The following HS3ST5 variants were observed in gnomAD, a reference collection of about 807,000 sequenced individuals.
HS3ST5 encodes the protein heparan sulfate-glucosamine 3-sulfotransferase 5.
In HS3ST5, 10 loss-of-function variants were observed where a neutral mutation model predicts 25.4. That is an observed-to-expected ratio of 0.39 (90% CI 0.24 to 0.67). The LOEUF (loss-of-function observed/expected upper bound fraction) is 0.67. Ranked by LOEUF, HS3ST5 falls within the 30% of genes least tolerant of loss-of-function variation. The probability of loss-of-function intolerance (pLI) is 0.44; values close to 1 mark genes in which losing one functional copy is unlikely to be tolerated. For synonymous variants in HS3ST5, 170 were observed against 162.4 expected, an observed-to-expected ratio of 1.05 and a Z score of -0.36; for missense variants, 324 against 420.7, an observed-to-expected ratio of 0.77 and a Z score of 2.01.
chr6:114,166,528 A>G (rs1460880730), intron 3 of HS3ST5, among the ~76,000 whole-genome samples: 1 of 152,170 alleles, frequency 6.6e-6, no homozygotes, highest in Non-Finnish European at 1.5e-5. Flanking sequence ...TGTATAGCTT[A>G]CTTTTAAATG....
At chr6:114,144,880 C>G (rs1382228122) in intron 3 of HS3ST5, among the ~76,000 whole-genome samples, 1 of 152,194 alleles carries the variant, frequency 6.6e-6, no homozygotes, top group Non-Finnish European at 1.5e-5. Flanking sequence ...AACAGCTATT[C>G]AGTAAACGTT....
chr6:114,323,039 A>G (rs1012196651), intron 1 of HS3ST5, among the ~76,000 whole-genome samples: 1 of 152,164 alleles, frequency 6.6e-6, no homozygotes, highest in African/African-American at 2.4e-5. Flanking sequence ...CTTAAAGTGC[A>G]GACTTGGAGT....
At chr6:114,187,216 C>T (rs1780262149) in intron 2 of HS3ST5, among the ~76,000 whole-genome samples, 1 of 152,168 alleles carries the variant, frequency 6.6e-6, no homozygotes. Context: ...CTAAGAAATA[C>T]ATTTCATAAG....
chr6:114,173,152 T>C (rs535057597), intron 2 of HS3ST5, among the ~76,000 whole-genome samples: 2 of 152,226 alleles, frequency 1.3e-5, no homozygotes, highest in African/African-American at 2.4e-5. Flanking sequence ...TATTAGTACA[T>C]GTCTGCCCAC....
intron 3 of HS3ST5, among the ~76,000 whole-genome samples, chr6:114,064,554 T>G (rs916876678): frequency 6.6e-6 from 1 of 152,142 alleles, no homozygotes; most frequent in Admixed American, 6.5e-5. Flanking sequence ...GAGGGAGAGA[T>G]AAGACCAGCA....
At chr6:114,192,822 A>AAT (rs1347665428) in intron 2 of HS3ST5, among the ~76,000 whole-genome samples, 1 of 152,186 alleles carries the variant, frequency 6.6e-6, no homozygotes, top group African/African-American at 2.4e-5. Context: ...CGTCAGTCAA[A>AAT]ATATATATAG....
chr6:114,309,809 G>A (rs2114839788), intron 1 of HS3ST5, among the ~76,000 whole-genome samples: 1 of 152,272 alleles, frequency 6.6e-6, no homozygotes, highest in Non-Finnish European at 1.5e-5. Context: ...ATAAAACACT[G>A]AAAAATATAG....
intron 1 of HS3ST5, among the ~76,000 whole-genome samples, chr6:114,281,245 A>G (rs1183380139): frequency 6.6e-6 from 1 of 152,036 alleles, no homozygotes; most frequent in Admixed American, 6.6e-5. Context: ...ACATGTAACA[A>G]GAATCTTCAA....
chr6:114,157,494 T>C (rs1031501340), intron 3 of HS3ST5, among the ~76,000 whole-genome samples: 1 of 152,108 alleles, frequency 6.6e-6, no homozygotes, highest in Middle Eastern at 3.2e-3. Context: ...AGAAATAAGT[T>C]TGGGAGATTT....
intron 3 of HS3ST5, among the ~76,000 whole-genome samples, chr6:114,156,248 A>G (rs1163098651): frequency 6.6e-6 from 1 of 152,216 alleles, no homozygotes; most frequent in Non-Finnish European, 1.5e-5. Context: ...TTCTCCAAAG[A>G]GGATTTTCTC....
At chr6:114,271,111 A>T (rs1262361058) in intron 1 of HS3ST5, among the ~76,000 whole-genome samples, 1 of 152,112 alleles carries the variant, frequency 6.6e-6, no homozygotes, top group African/African-American at 2.4e-5. Context: ...TATTTCCATT[A>T]ACTAATAATA....
intron 3 of HS3ST5, among the ~76,000 whole-genome samples, chr6:114,092,039 G>A (rs79158369): frequency 5.4e-4 from 82 of 152,252 alleles, no homozygotes; most frequent in Non-Finnish European, 8.7e-4. Context: ...TTATCTCTTC[G>A]TTTTTCCAAA....
intron 1 of HS3ST5, among the ~76,000 whole-genome samples, chr6:114,241,065 T>G (rs1772094066): frequency 6.6e-6 from 1 of 151,782 alleles, no homozygotes; most frequent in South Asian, 2.1e-4. Context: ...CACAAGGTGA[T>G]TCATACCTTT....
chr6:114,084,296 C>T, intron 3 of HS3ST5: 1 of 778,288 alleles, frequency 1.3e-6, no homozygotes, highest in Admixed American at 1.7e-5. Context: ...ACAGAGGGCA[C>T]CTGCACACCT....
chr6:114,134,451 T>C (rs1221037122), intron 3 of HS3ST5, among the ~76,000 whole-genome samples: 1 of 151,874 alleles, frequency 6.6e-6, no homozygotes, highest in Non-Finnish European at 1.5e-5. Context: ...GATACAGGAG[T>C]GGCAGAGAGG....
In HS3ST5 at chr6:114,342,555, G is replaced by A. The variant is rs1348219417; in HGVS notation, c.-699C>T. 6.5e-6 allele frequency: 1 copy of A among 154,452 alleles called. No homozygotes were observed. The highest frequency in any genetic ancestry group is 1.4e-5 in the Non-Finnish European group (1 of 69,192). The allele number at this position is 154,452 out of a possible 1,614,324, so 9.6% of individuals were successfully genotyped here. ...AGAGGCTGGAACCAGGTGCGGCAGG[G>A]CGCGCTCCCGTGGCGCGGGCACGGC... On this transcript the variant is annotated 5_prime_UTR_variant, in exon 1 of 5. Coordinates refer to ENST00000312719, the MANE Select transcript of HS3ST5 (RefSeq NM_153612.4).
At chr6:114,177,238 A>G (rs1006622360) in intron 2 of HS3ST5, among the ~76,000 whole-genome samples, 11 of 152,186 alleles carry the variant, frequency 7.2e-5, no homozygotes, top group Non-Finnish European at 1.5e-4. Context: ...ATGGGTTGCA[A>G]TTTGTTAGGA....
intron 3 of HS3ST5, among the ~76,000 whole-genome samples, chr6:114,064,120 A>G (rs573612306): frequency 6.6e-6 from 1 of 152,340 alleles, no homozygotes; most frequent in South Asian, 2.1e-4. Flanking sequence ...ATAGTAACCC[A>G]AGAAGGAAGC....
chr6:114,247,302 G>A (rs1474602523), intron 1 of HS3ST5, among the ~76,000 whole-genome samples: 1 of 152,142 alleles, frequency 6.6e-6, no homozygotes, highest in Non-Finnish European at 1.5e-5. Flanking sequence ...GGGAATACCA[G>A]CCACTCAAGC....
Sources: gnomAD v4.1 joint callset for allele counts (sites outside exome capture counted in the v4.1 genomes callset) on GRCh38, gnomAD v4.1.1 for gene constraint, MANE v1.5 for transcripts, NCBI Gene and HGNC (gene_info 2026-07-23, HGNC 2026-07-21) for gene names.